PHF24: variants seen among roughly 807,000 people sequenced by gnomAD.
PHF24 encodes PHD finger protein 24.
In PHF24, 25 loss-of-function variants were observed where a neutral mutation model predicts 42.6. That is an observed-to-expected ratio of 0.59 (90% CI 0.43 to 0.82). PHF24 has a LOEUF of 0.82. Ranked by LOEUF, PHF24 falls within the 40% of genes least tolerant of loss-of-function variation. The pLI, the probability that PHF24 is intolerant of heterozygous loss-of-function variation, is 0.00. For synonymous variants in PHF24, 185 were observed against 204.8 expected, an observed-to-expected ratio of 0.90 and a Z score of 0.83; for missense variants, 470 against 538.1, an observed-to-expected ratio of 0.87 and a Z score of 1.25.
the PHF24 span, among the ~76,000 whole-genome samples, chr9:34,809,530 G>C: frequency 6.6e-6 from 1 of 152,346 alleles, no homozygotes; most frequent in African/African-American, 2.4e-5. This position sits in a 1 kb window ranked among gnomAD's most constrained non-coding sequence, Gnocchi z 4.1. Flanking sequence ...TCAGGAAACA[G>C]TGCACAGTCA....
chr9:34,712,424 T>C, the PHF24 span, among the ~76,000 whole-genome samples: 2 of 152,180 alleles, frequency 1.3e-5, no homozygotes, highest in Non-Finnish European at 2.9e-5. Flanking sequence ...ACTCCTGTGA[T>C]GAGGTACATT....
the PHF24 span, among the ~76,000 whole-genome samples, chr9:34,682,150 ATTTTTT>A: frequency 4.6e-4 from 43 of 93,096 alleles, no homozygotes; most frequent in East Asian, 1.4e-3. Flanking sequence ...AATTATTTCT[ATTTTTT>A]TTTTTTTTTT....
the PHF24 span, among the ~76,000 whole-genome samples, chr9:34,925,095 C>T: frequency 6.6e-6 from 1 of 152,038 alleles, no homozygotes; most frequent in South Asian, 2.1e-4. Context: ...TTATTTCTCC[C>T]TCATTTCTGA....
chr9:34,965,307 G>A (rs967786004), intron 1 of PHF24, among the ~76,000 whole-genome samples: 3 of 152,210 alleles, frequency 2.0e-5, no homozygotes, highest in African/African-American at 7.2e-5. Flanking sequence ...GCTGAATTCT[G>A]TTGTGTCTTC....
At chr9:34,798,523 T>C in the PHF24 span, among the ~76,000 whole-genome samples, 1 of 152,180 alleles carries the variant, frequency 6.6e-6, no homozygotes. Flanking sequence ...GCTGCATCCA[T>C]GTTGCTGCAA....
At chr9:34,720,431 G>A in the PHF24 span, among the ~76,000 whole-genome samples, 248 of 136,294 alleles carry the variant, frequency 1.8e-3, 3 homozygotes, top group South Asian at 0.05. Context: ...CGGCCTGGGC[G>A]ACAGAGCGAG....
At chr9:34,720,096 G>A in the PHF24 span, among the ~76,000 whole-genome samples, 3 of 152,172 alleles carry the variant, frequency 2.0e-5, no homozygotes, top group Admixed American at 2.0e-4. Context: ...GTGATGAGAT[G>A]GTGAGTGATC....
the PHF24 span, among the ~76,000 whole-genome samples, chr9:34,749,264 C>T: frequency 1.1e-4 from 16 of 151,960 alleles, no homozygotes; most frequent in African/African-American, 3.4e-4. Flanking sequence ...CTGAAAGAGG[C>T]GATAGAGAGA....
chr9:34,918,408 T>TA, the PHF24 span: 77,456 of 389,400 alleles, frequency 0.2, 2,855 homozygotes, highest in East Asian at 0.38. Flanking sequence ...CCAAGGTCTT[T>TA]AAAAAAAAAA....
At chr9:34,861,931 T>C in the PHF24 span, among the ~76,000 whole-genome samples, 1 of 152,210 alleles carries the variant, frequency 6.6e-6, no homozygotes, top group Non-Finnish European at 1.5e-5. Context: ...CAGGCTGCCA[T>C]AGCAAAATAC....
At chr9:34,838,095 T>G in the PHF24 span, among the ~76,000 whole-genome samples, 2 of 152,328 alleles carry the variant, frequency 1.3e-5, no homozygotes, top group Non-Finnish European at 2.9e-5. Flanking sequence ...GTGAGATAGA[T>G]CCCATATCAT....
chr9:34,767,521 T>C, the PHF24 span, among the ~76,000 whole-genome samples: 1 of 152,242 alleles, frequency 6.6e-6, no homozygotes, highest in Non-Finnish European at 1.5e-5. Flanking sequence ...GTGCGGGATA[T>C]AGTCTTCTGG....
At chr9:34,964,836 T>C (rs1166232579) in intron 1 of PHF24, among the ~76,000 whole-genome samples, 1 of 152,178 alleles carries the variant, frequency 6.6e-6, no homozygotes, top group East Asian at 1.9e-4. Context: ...CGCTGTTATA[T>C]ACCATCACCT....
At chr9:34,977,290 CT>C in intron 6 of PHF24, 47 bp downstream of exon 6, 4 of 1,537,198 alleles carry the variant, frequency 2.6e-6, no homozygotes, top group African/African-American at 1.4e-5. Flanking sequence ...CTCCTCCTCC[CT>C]TTTCCATGCC....
the PHF24 span, among the ~76,000 whole-genome samples, chr9:34,827,224 C>A: frequency 1.3e-5 from 2 of 152,196 alleles, no homozygotes; most frequent in Non-Finnish European, 2.9e-5. Context: ...CAATTCCCTT[C>A]ATTCTGGGCT....
chr9:34,715,460 T>TG, the PHF24 span, among the ~76,000 whole-genome samples: 1 of 151,996 alleles, frequency 6.6e-6, no homozygotes, highest in Non-Finnish European at 1.5e-5. Context: ...TGACCCAAGC[T>TG]CCTCTCAGTC....
At chr9:34,819,294 T>C in the PHF24 span, among the ~76,000 whole-genome samples, 3 of 152,092 alleles carry the variant, frequency 2.0e-5, no homozygotes, top group Admixed American at 6.5e-5. Context: ...TTCTGCTATC[T>C]TTATTGTTTC....
chr9:34,779,370 T>C, the PHF24 span, among the ~76,000 whole-genome samples: 1 of 152,230 alleles, frequency 6.6e-6, no homozygotes, highest in East Asian at 1.9e-4. Flanking sequence ...ATGTTTTCTT[T>C]AACTTTCCTA....
the PHF24 span, among the ~76,000 whole-genome samples, chr9:34,862,615 A>G: frequency 6.6e-6 from 1 of 152,008 alleles, no homozygotes; most frequent in Non-Finnish European, 1.5e-5. Context: ...TAACTAAAGA[A>G]CCTTTGGGCC....
Sources: gnomAD v4.1 joint callset for allele counts (sites outside exome capture counted in the v4.1 genomes callset) on GRCh38, gnomAD v4.1.1 for gene constraint, Gnocchi (gnomAD v3.1) non-coding constraint, MANE v1.5 for transcripts, NCBI Gene and HGNC (gene_info 2026-07-23, HGNC 2026-07-21) for gene names.